CNTN1: variants seen among roughly 807,000 people sequenced by gnomAD.
CNTN1 encodes the protein contactin-1.
CNTN1 carries 38 observed loss-of-function variants against 126.4 expected under a neutral mutation model. That is an observed-to-expected ratio of 0.30 (90% CI 0.23 to 0.39). The LOEUF (loss-of-function observed/expected upper bound fraction) is 0.39, where lower values mean the gene tolerates loss of function less well. CNTN1 is among the 10% of genes least tolerant of loss of function. CNTN1 has a pLI of 1.00. For synonymous variants in CNTN1, 413 were observed against 422.6 expected (o/e 0.98, Z 0.28); for missense variants, 1,009 against 1,248.4 (o/e 0.81, Z 2.89).
intron 1 of CNTN1, among the ~76,000 whole-genome samples, chr12:40,896,366 A>G (rs1944415174): frequency 6.6e-6 from 1 of 152,112 alleles, no homozygotes; most frequent in African/African-American, 2.4e-5. Flanking sequence ...TATCTTACAT[A>G]CATTTTTTAT....
intron 1 of CNTN1, among the ~76,000 whole-genome samples, chr12:40,767,778 T>C (rs190919311): frequency 6.6e-6 from 1 of 152,318 alleles, no homozygotes; most frequent in East Asian, 1.9e-4. Flanking sequence ...TGAAAAGTTA[T>C]CAAACTGAGA....
chr12:40,888,919 A>G (rs1387338827), intron 1 of CNTN1, among the ~76,000 whole-genome samples: 1 of 152,262 alleles, frequency 6.6e-6, no homozygotes, highest in Non-Finnish European at 1.5e-5. Context: ...CATGTAAAGA[A>G]CACAGCCTTG....
intron 1 of CNTN1, among the ~76,000 whole-genome samples, chr12:40,747,701 G>A (rs1938240530): frequency 6.6e-6 from 1 of 152,018 alleles, no homozygotes; most frequent in Non-Finnish European, 1.5e-5. Context: ...TAAATTAACA[G>A]AATAAATAAT....
Position 40,840,855 on chromosome 12 carries a change from T to A in CNTN1, c.-76-67502T>A, listed in dbSNP as rs116592005. On this transcript the variant is annotated intron_variant, in intron 1 of 23. Coordinates refer to ENST00000551295, the MANE Select transcript of CNTN1 (RefSeq NM_001843.4). ...AAAGAGAGAATTTTATAGCAATAAA[T>A]GCCAACATCAAAAAAGCAGAAAAAT... Among the ~76,000 whole-genome samples the A allele has an allele frequency of 5.2e-3, 790 of 151,190 alleles. 5 individuals are homozygous for A. The highest frequency in any genetic ancestry group is 0.018 in the African/African-American group (744 of 41,252).
rs190203605 is a variant in CNTN1 at position 41,024,015 on chromosome 12, G to T, written c.2524-1135G>T. Among the ~76,000 whole-genome samples the T allele has an allele frequency of 2.0e-4, 31 of 152,234 alleles. No homozygotes were observed. In the East Asian group the frequency reaches 5.8e-3, roughly 29 times the overall value. On this transcript the variant is annotated intron_variant, in intron 20 of 23. Coordinates refer to ENST00000551295, the MANE Select transcript of CNTN1 (RefSeq NM_001843.4). ...TGGTACTCCATCCCTTGAGACCTTT[G>T]AGGAGTTTTATAAATGTGCCTCTGA...
chr12:40,765,158 G>A (rs997182346), intron 1 of CNTN1, among the ~76,000 whole-genome samples: 2 of 151,992 alleles, frequency 1.3e-5, no homozygotes, highest in African/African-American at 4.8e-5. Context: ...GGATATATAT[G>A]CAGAATATGG....
chr12:40,808,029 AT>A (rs1190128329), intron 1 of CNTN1, among the ~76,000 whole-genome samples: 1 of 152,024 alleles, frequency 6.6e-6, no homozygotes, highest in Non-Finnish European at 1.5e-5. Context: ...TAGTTTCTTA[AT>A]TTTCTTCCCT....
chr12:40,718,973 T>G (rs1001476155), intron 1 of CNTN1, among the ~76,000 whole-genome samples: 1 of 152,172 alleles, frequency 6.6e-6, no homozygotes, highest in Admixed American at 6.5e-5. Flanking sequence ...CACATTTTCT[T>G]TCCCCTCACC....
At chr12:40,818,899 T>C (rs749683758) in intron 1 of CNTN1, among the ~76,000 whole-genome samples, 1 of 152,170 alleles carries the variant, frequency 6.6e-6, no homozygotes, top group Non-Finnish European at 1.5e-5. Context: ...TTTTGTCACT[T>C]TGTCCTTGTT....
intron 1 of CNTN1, among the ~76,000 whole-genome samples, chr12:40,878,227 C>T: frequency 6.6e-6 from 1 of 151,332 alleles, no homozygotes; most frequent in East Asian, 1.9e-4. Flanking sequence ...GAACTCCTGA[C>T]CTCAGGTGAT....
chr12:41,011,696 C>T lies in CNTN1; in HGVS notation c.2114-2532C>T, dbSNP rs559676774. ...TCTGAAAAATGGATCTTGGGAAAGA[C>T]TATGTAACAGTTGCATTTGGGCAAT... On this transcript the variant is annotated intron_variant, in intron 17 of 23. Coordinates refer to ENST00000551295, the MANE Select transcript of CNTN1 (RefSeq NM_001843.4). 3.3e-5 allele frequency among the ~76,000 whole-genome samples: 5 copies of T among 152,342 alleles called. No homozygotes were observed. The South Asian group carries it at 1.0e-3, about 32-fold the overall frequency.
intron 1 of CNTN1, among the ~76,000 whole-genome samples, chr12:40,871,138 A>T (rs1470777684): frequency 7.0e-6 from 1 of 143,136 alleles, no homozygotes; most frequent in Non-Finnish European, 1.5e-5. Context: ...GGAGTCAGTT[A>T]TGTAACTAGT....
At chr12:40,903,359 C>T (rs1200694442) in intron 1 of CNTN1, among the ~76,000 whole-genome samples, 1 of 149,656 alleles carries the variant, frequency 6.7e-6, no homozygotes, top group Non-Finnish European at 1.5e-5. Context: ...AAGTCTGCTC[C>T]TGTGACTGGC....
intron 1 of CNTN1, among the ~76,000 whole-genome samples, chr12:40,782,387 A>G (rs915898123): frequency 1.3e-5 from 2 of 152,084 alleles, no homozygotes; most frequent in Non-Finnish European, 2.9e-5. Context: ...AACCTTATAT[A>G]ATAGTCAAAA....
chr12:40,961,717 C>A (rs1369985207), intron 15 of CNTN1, among the ~76,000 whole-genome samples: 1 of 152,002 alleles, frequency 6.6e-6, no homozygotes, highest in East Asian at 1.9e-4. Context: ...ATTTCCCCAT[C>A]TAGATCAAGA....
chr12:40,826,700 T>C (rs76230639), intron 1 of CNTN1, among the ~76,000 whole-genome samples: 5,784 of 152,300 alleles, frequency 0.038, 137 homozygotes, highest in Middle Eastern at 0.12. Flanking sequence ...AAAATGACCA[T>C]GATGACACCA....
intron 1 of CNTN1, among the ~76,000 whole-genome samples, chr12:40,731,430 T>C (rs1213603093): frequency 6.6e-6 from 1 of 152,030 alleles, no homozygotes. Flanking sequence ...AAGCAACCGT[T>C]AATTTTCAAA....
chr12:40,910,024 A>G (rs1408804024), intron 2 of CNTN1, 49 bp from the exon 3 acceptor site: 1 of 1,408,624 alleles, frequency 7.1e-7, no homozygotes, highest in Non-Finnish European at 1.0e-6. Context: ...TGAAACCACA[A>G]TTCAAATAAT....
chr12:40,841,085 T>C (rs35234650), intron 1 of CNTN1, among the ~76,000 whole-genome samples: 5,071 of 151,388 alleles, frequency 0.033, 115 homozygotes, highest in Middle Eastern at 0.11. Flanking sequence ...AAGACCTAAA[T>C]AAACAAACTA....
Sources: allele counts gnomAD v4.1 joint callset (sites outside exome capture counted in the v4.1 genomes callset), GRCh38; gene constraint gnomAD v4.1.1; transcripts MANE v1.5; gene names NCBI Gene and HGNC (gene_info 2026-07-23, HGNC 2026-07-21).